Variants in ABTB2 observed in about 807,000 individuals in gnomAD.
ABTB2 encodes the protein ankyrin repeat and BTB/POZ domain-containing protein 2.
Under a neutral mutation model 104.1 loss-of-function variants are expected in ABTB2, and 56 were observed. The observed-to-expected ratio is 0.54, with a 90% confidence interval of 0.43 to 0.67. ABTB2 has a LOEUF of 0.67. Among genes scored for constraint, ABTB2 ranks in the 30% least tolerant of loss-of-function variants. The pLI is 0.00. For synonymous variants in ABTB2, 606 were observed against 608.2 expected, an observed-to-expected ratio of 1.00 and a Z score of 0.05; for missense variants, 1,279 against 1,407.7, an observed-to-expected ratio of 0.91 and a Z score of 1.46.
At chr11:34,209,741 G>A (rs1166625909) in intron 1 of ABTB2, among the ~76,000 whole-genome samples, 1 of 23,708 alleles carries the variant, frequency 4.2e-5, no homozygotes, top group Non-Finnish European at 7.6e-5. Context: ...AGGGGTGGGG[G>A]TGGGGGTAGG....
rs376805283 is a variant in ABTB2, at chr11:34,210,685, G to C, written c.884-5995C>G. ...CACCAACGGCCCCACTAGCCCACCA[G>C]CTACCCGGCTCAGGGAAGCTCATGG... On this transcript the variant is annotated intron_variant, in intron 1 of 16. Coordinates refer to ENST00000435224, the MANE Select transcript of ABTB2 (RefSeq NM_145804.3). Among the ~76,000 whole-genome samples the C allele has an allele frequency of 8.5e-5, 13 of 152,332 alleles. No individual in the cohort carries two copies. In the East Asian group the frequency reaches 2.3e-3, roughly 27 times the overall value.
chr11:34,244,584 T>C (rs1287476733), intron 1 of ABTB2, among the ~76,000 whole-genome samples: 5 of 152,172 alleles, frequency 3.3e-5, no homozygotes, highest in Admixed American at 2.6e-4. Context: ...TTCCCCATGG[T>C]GAATAAGAGC....
chr11:34,167,350 T>C lies in ABTB2; in HGVS notation c.1664A>G (p.Asn555Ser), dbSNP rs767361233. ...GTGGATGGAAGGGTGCCTGGGGGAG[T>C]TGCTTGGAACCTGGAAAATACCACA... ...GANLDIQVPS[N>S]SPRHPSIHPD... Residue 555 changes from asparagine (N) to serine (S), a missense_variant, in exon 7 of 17, where the codon AAC (asparagine) becomes AGC (serine). Asn to Ser is a conservative substitution (Grantham distance 46, BLOSUM62 1). Coordinates refer to ENST00000435224, the MANE Select transcript of ABTB2 (RefSeq NM_145804.3). 3.1e-6 allele frequency: 5 copies of C among 1,611,522 alleles called. No individual in the cohort carries two copies. The highest frequency in any genetic ancestry group is 4.2e-6 in the Non-Finnish European group (5 of 1,179,060).
At chr11:34,320,324 G>C (rs569885424) in intron 1 of ABTB2, among the ~76,000 whole-genome samples, 1 of 152,076 alleles carries the variant, frequency 6.6e-6, no homozygotes, top group Non-Finnish European at 1.5e-5. Context: ...TGTTACCCTT[G>C]GGCTAACATT....
intron 16 of ABTB2, among the ~76,000 whole-genome samples, chr11:34,152,940 A>T (rs545917547): frequency 6.6e-6 from 1 of 152,174 alleles, no homozygotes; most frequent in African/African-American, 2.4e-5. Flanking sequence ...CTGGATAAAG[A>T]TGTTCACTCA....
chr11:34,157,751 G>A (rs1253396217), intron 14 of ABTB2, among the ~76,000 whole-genome samples: 6 of 152,076 alleles, frequency 3.9e-5, no homozygotes, highest in Admixed American at 3.9e-4. Context: ...CTCTTCCCTG[G>A]TCCATTTCCC....
chr11:34,233,682 T>C lies in ABTB2; in HGVS notation c.884-28992A>G, dbSNP rs559605780. Reference sequence around the variant, plus strand: ...TTTTTTTTTATTATAAAGGTAATTATGATTATTTTTTAAAAATCAGAAAGG... The same window carrying C: ...TTTTTTTTTATTATAAAGGTAATTACGATTATTTTTTAAAAATCAGAAAGG... On this transcript the variant is annotated intron_variant, in intron 1 of 16. Transcript: ENST00000435224. 7.2e-5 allele frequency among the ~76,000 whole-genome samples: 11 copies of C among 151,922 alleles called. No individual in the cohort carries two copies. In the East Asian group the frequency reaches 2.1e-3, roughly 29 times the overall value.
At chr11:34,204,745 G>C in intron 1 of ABTB2, 55 bp from the exon 2 acceptor site, 8 of 1,561,856 alleles carry the variant, frequency 5.1e-6, no homozygotes, top group Non-Finnish European at 7.0e-6. Flanking sequence ...AAGTTCAGTG[G>C]GCCCCAGCCT....
At chr11:34,280,543 A>T (rs1590239974) in intron 1 of ABTB2, among the ~76,000 whole-genome samples, 2 of 151,670 alleles carry the variant, frequency 1.3e-5, no homozygotes, top group South Asian at 4.2e-4. Context: ...AAGCCTTTTG[A>T]CCTCAGGGCC....
At chr11:34,197,236 T>C (rs1853269325) in intron 3 of ABTB2, 89 bp downstream of exon 3, 3 of 1,423,804 alleles carry the variant, frequency 2.1e-6, no homozygotes, top group Admixed American at 1.7e-5. Context: ...CTCGCCCTGT[T>C]GGTCAGTCGT....
chr11:34,333,480 G>A (rs1250332009), intron 1 of ABTB2, among the ~76,000 whole-genome samples: 3 of 152,176 alleles, frequency 2.0e-5, no homozygotes, highest in African/African-American at 7.2e-5. Context: ...AACAGGCTGG[G>A]TATGGTGGCT....
At chr11:34,155,321 G>T (rs1852608375) in intron 14 of ABTB2, among the ~76,000 whole-genome samples, 1 of 152,218 alleles carries the variant, frequency 6.6e-6, no homozygotes, top group Non-Finnish European at 1.5e-5. Context: ...TGTCTCAGGT[G>T]TGCTTCCTCA....
At chr11:34,282,554 T>G (rs931422371) in intron 1 of ABTB2, among the ~76,000 whole-genome samples, 7 of 151,956 alleles carry the variant, frequency 4.6e-5, no homozygotes, top group Non-Finnish European at 8.8e-5. Flanking sequence ...GGAGACAGAG[T>G]CTCACTCTGT....
At chr11:34,282,605 C>T (rs568496027) in intron 1 of ABTB2, among the ~76,000 whole-genome samples, 1 of 152,060 alleles carries the variant, frequency 6.6e-6, no homozygotes, top group African/African-American at 2.4e-5. Context: ...TGGCTCACTG[C>T]ACCCTCCACC....
chr11:34,350,891 T>A (rs559528759), intron 1 of ABTB2, among the ~76,000 whole-genome samples: 17 of 152,212 alleles, frequency 1.1e-4, no homozygotes, highest in African/African-American at 1.7e-4. Context: ...ATTATTGAGC[T>A]GTGAATTCTG....
intron 1 of ABTB2, among the ~76,000 whole-genome samples, chr11:34,282,146 C>A (rs975037115): frequency 1.3e-5 from 2 of 152,176 alleles, no homozygotes; most frequent in African/African-American, 4.8e-5. Context: ...TTTCTCCCTG[C>A]ATCCTCACAC....
intron 10 of ABTB2, 84 bp from the exon 11 acceptor site, chr11:34,161,165 C>G (rs1316544372): frequency 5.2e-5 from 71 of 1,358,284 alleles, no homozygotes; most frequent in Non-Finnish European, 6.7e-5. Context: ...TGGGCAGACT[C>G]TCTCGGGATG....
At chr11:34,183,279 T>C (rs1042325180) in intron 3 of ABTB2, among the ~76,000 whole-genome samples, 17 of 152,176 alleles carry the variant, frequency 1.1e-4, no homozygotes, top group African/African-American at 4.1e-4. Context: ...TTTTGTGTTC[T>C]TTGTAAGGCG....
At chr11:34,212,976 T>C (rs1330291577) in intron 1 of ABTB2, among the ~76,000 whole-genome samples, 5 of 152,060 alleles carry the variant, frequency 3.3e-5, no homozygotes, top group African/African-American at 1.2e-4. Flanking sequence ...AACCCCAATT[T>C]TCCTAAAAAA....
Sources: gnomAD v4.1 joint callset for allele counts (sites outside exome capture counted in the v4.1 genomes callset) on GRCh38, gnomAD v4.1.1 for gene constraint, MANE v1.5 for transcripts, NCBI Gene and HGNC (gene_info 2026-07-23, HGNC 2026-07-21) for gene names.